Variants in SLC2A14 observed in about 807,000 individuals in gnomAD.
SLC2A14 encodes solute carrier family 2 member 14.
In SLC2A14, 13 loss-of-function variants were observed where a neutral mutation model predicts 43.0. That is an observed-to-expected ratio of 0.30 (90% CI 0.20 to 0.48). The LOEUF is 0.48. SLC2A14 is among the 20% of genes least tolerant of loss of function. SLC2A14 has a pLI of 0.99. For synonymous variants in SLC2A14, 190 were observed against 233.8 expected, an observed-to-expected ratio of 0.81 and a Z score of 1.71; for missense variants, 428 against 620.4, an observed-to-expected ratio of 0.69 and a Z score of 3.29.
chr12:7,837,453 A>C (rs1307354224), intron 2 of SLC2A14, among the ~76,000 whole-genome samples: 1 of 152,110 alleles, frequency 6.6e-6, no homozygotes, highest in Non-Finnish European at 1.5e-5. Context: ...CAGCCTGACC[A>C]ACATGGAGAA....
At chr12:7,872,287 T>A (rs891121185) in intron 1 of SLC2A14, 1 of 152,130 alleles carries the variant, frequency 6.6e-6, no homozygotes, top group Non-Finnish European at 1.5e-5. Flanking sequence ...TAGGTATCTT[T>A]CAAGGCCAAG....
At chr12:7,837,650 A>AAAAAAAAAAAAAAAAC (rs1865568676) in intron 2 of SLC2A14, among the ~76,000 whole-genome samples, 1 of 138,854 alleles carries the variant, frequency 7.2e-6, no homozygotes, top group African/African-American at 2.7e-5. Flanking sequence ...AAAAAAAAAA[A>AAAAAAAAAAAAAAAAC]AAAAAAGATG....
intron 2 of SLC2A14, among the ~76,000 whole-genome samples, chr12:7,840,886 T>C (rs2120857151): frequency 6.6e-6 from 1 of 152,252 alleles, no homozygotes; most frequent in East Asian, 1.9e-4. Context: ...GGAGTTGCCA[T>C]TTACCTCAGT....
At chr12:7,839,390 G>T (rs1368728338) in intron 2 of SLC2A14, among the ~76,000 whole-genome samples, 1 of 151,978 alleles carries the variant, frequency 6.6e-6, no homozygotes, top group African/African-American at 2.4e-5. Flanking sequence ...GTGTCAAAAG[G>T]CGGATTTGGC....
In SLC2A14 at chr12:7,887,564, GATAGATAGA is replaced by G. The variant is rs1565592432; in HGVS notation, c.132+3423_132+3431del. 6.3e-3 allele frequency among the ~76,000 whole-genome samples: 92 copies of G among 14,680 alleles called. 1 individual carries two copies. Among genetic ancestry groups the G allele is most frequent in the Middle Eastern group, 0.045 (1 of 22 alleles). 9.6% of individuals were successfully genotyped at this position (14,680 alleles called of 152,430 possible). A position where few individuals can be genotyped will look rare whatever the true frequency, so the allele number is the denominator to read the frequency against. On this transcript the variant is annotated intron_variant, in intron 1 of 9. Coordinates refer to the SLC2A14 transcript ENST00000539924. ...TGATAGTAGGTAGATAAATCAGATA[GATAGATAGA>G]TAGATAGATAGATAGATAGATAGAT...
chr12:7,884,510 G>A (rs186561986), intron 1 of SLC2A14, among the ~76,000 whole-genome samples: 2 of 152,194 alleles, frequency 1.3e-5, no homozygotes, highest in East Asian at 1.9e-4. Flanking sequence ...AACTCACTAC[G>A]TAGATAATTC....
chr12:7,857,797 A>G (rs1021498520), intron 2 of SLC2A14, among the ~76,000 whole-genome samples: 5 of 151,898 alleles, frequency 3.3e-5, no homozygotes, highest in African/African-American at 9.7e-5. Context: ...AGTAGCTGGG[A>G]TTACAGGCAG....
chr12:7,841,746 G>A (rs1310810993), intron 2 of SLC2A14, among the ~76,000 whole-genome samples: 4 of 151,958 alleles, frequency 2.6e-5, no homozygotes, highest in Non-Finnish European at 4.4e-5. Context: ...AGTGGCTAAC[G>A]CCTGTAATCC....
At chr12:7,860,093 T>C (rs1944463585) in intron 2 of SLC2A14, among the ~76,000 whole-genome samples, 1 of 152,124 alleles carries the variant, frequency 6.6e-6, no homozygotes, top group Admixed American at 6.5e-5. Context: ...CAGAGCTGGT[T>C]AGCAGTTGGC....
At chr12:7,834,918 A>G (rs989676041) in intron 2 of SLC2A14, among the ~76,000 whole-genome samples, 3 of 151,968 alleles carry the variant, frequency 2.0e-5, no homozygotes, top group Non-Finnish European at 4.4e-5. Flanking sequence ...GTGCTTCGAG[A>G]GACTGGTTGG....
At chr12:7,830,951 C>G (rs773099234) in intron 4 of SLC2A14, among the ~76,000 whole-genome samples, 2 of 151,944 alleles carry the variant, frequency 1.3e-5, no homozygotes, top group South Asian at 4.2e-4. Flanking sequence ...TGGTGAAACC[C>G]CATCTCTACT....
At chr12:7,875,271 A>C (rs1945444208), upstream of SLC2A14, among the ~76,000 whole-genome samples, 1 of 142,518 alleles carries the variant, frequency 7.0e-6, no homozygotes, top group Admixed American at 7.6e-5. Flanking sequence ...TCTTTGGGAG[A>C]CCAAGGCAGG....
intron 2 of SLC2A14, among the ~76,000 whole-genome samples, chr12:7,841,771 G>T (rs1337714813): frequency 6.6e-6 from 1 of 151,980 alleles, no homozygotes; most frequent in Non-Finnish European, 1.5e-5. Flanking sequence ...ACTTTGGGAG[G>T]CCAAGGTGGG....
At chr12:7,834,917 G>A (rs954327820) in intron 2 of SLC2A14, among the ~76,000 whole-genome samples, 2 of 152,156 alleles carry the variant, frequency 1.3e-5, no homozygotes, top group Non-Finnish European at 2.9e-5. Flanking sequence ...TGTGCTTCGA[G>A]AGACTGGTTG....
At chr12:7,842,379 A>G (rs113835785) in intron 2 of SLC2A14, among the ~76,000 whole-genome samples, 9 of 152,096 alleles carry the variant, frequency 5.9e-5, no homozygotes, top group East Asian at 1.9e-4. Context: ...CAACTCATTT[A>G]TGTAAGTACC....
intron 2 of SLC2A14, among the ~76,000 whole-genome samples, chr12:7,863,683 A>G (rs1944742296): frequency 6.6e-6 from 1 of 152,086 alleles, no homozygotes; most frequent in Non-Finnish European, 1.5e-5. Context: ...TGACATATAA[A>G]CTAAATGACA....
At chr12:7,874,999 TAAATACATATATAA>T, upstream of SLC2A14, among the ~76,000 whole-genome samples, 1 of 102,500 alleles carries the variant, frequency 9.8e-6, no homozygotes, top group Non-Finnish European at 1.8e-5. Flanking sequence ...AAATTATATA[TAAATACATATATAA>T]AAATTATATA....
At chr12:7,888,940 A>G (rs11056348) in intron 1 of SLC2A14, among the ~76,000 whole-genome samples, 151,281 of 152,206 alleles carry the variant, frequency 0.99, 75,199 homozygotes, top group Middle Eastern at 1. Flanking sequence ...TCCAATGACC[A>G]ATTTGACACT....
chr12:7,885,162 A>G (rs1945667751), intron 1 of SLC2A14, among the ~76,000 whole-genome samples: 1 of 152,146 alleles, frequency 6.6e-6, no homozygotes. Context: ...CCAGCACCAT[A>G]GGAAAGAAAA....
Sources: allele counts gnomAD v4.1 joint callset (sites outside exome capture counted in the v4.1 genomes callset), GRCh38; gene constraint gnomAD v4.1.1; transcripts MANE v1.5; gene names NCBI Gene and HGNC (gene_info 2026-07-23, HGNC 2026-07-21).